The following PDE8A variants were observed in gnomAD, a reference collection of about 807,000 sequenced individuals.
PDE8A encodes the protein high affinity cAMP-specific and IBMX-insensitive 3',5'-cyclic phosphodiesterase 8A.
In PDE8A, 59 loss-of-function variants were observed where a neutral mutation model predicts 105.0. That is an observed-to-expected ratio of 0.56 (90% CI 0.46 to 0.70). PDE8A has a LOEUF of 0.70. PDE8A is among the 30% of genes least tolerant of loss of function. PDE8A has a pLI of 0.00. For synonymous variants in PDE8A, 355 were observed against 371.9 expected, an observed-to-expected ratio of 0.95 and a Z score of 0.52; for missense variants, 1,014 against 1,045.9, an observed-to-expected ratio of 0.97 and a Z score of 0.42.
chr15:85,118,295 C>T (rs1374655643), intron 17 of PDE8A, among the ~76,000 whole-genome samples: 3 of 152,144 alleles, frequency 2.0e-5, no homozygotes, highest in Admixed American at 6.6e-5. Flanking sequence ...ATTATCCAAC[C>T]GGATACCCAG....
intron 1 of PDE8A, among the ~76,000 whole-genome samples, chr15:85,030,343 C>T (rs1473426230): frequency 6.6e-6 from 1 of 151,938 alleles, no homozygotes; most frequent in Non-Finnish European, 1.5e-5. Flanking sequence ...GGTATGATCT[C>T]CTAGCCACAG....
intron 1 of PDE8A, among the ~76,000 whole-genome samples, chr15:85,016,376 T>G (rs1421900549): frequency 7.5e-6 from 1 of 132,816 alleles, no homozygotes; most frequent in Non-Finnish European, 1.8e-5. Flanking sequence ...AGGAATAAAT[T>G]CAGTTTAATC....
intron 1 of PDE8A, among the ~76,000 whole-genome samples, chr15:85,023,365 T>G (rs2080460601): frequency 6.6e-6 from 1 of 152,090 alleles, no homozygotes; most frequent in African/African-American, 2.4e-5. Flanking sequence ...TCAGCTCAGG[T>G]GGAGAAGCAT....
intron 1 of PDE8A, among the ~76,000 whole-genome samples, chr15:85,037,723 A>C (rs2080730830): frequency 6.6e-6 from 1 of 152,206 alleles, no homozygotes; most frequent in South Asian, 2.1e-4. Flanking sequence ...TCTTCTTATT[A>C]ATTATTACTG....
chr15:84,990,364 A>G (rs1406826731), intron 1 of PDE8A, among the ~76,000 whole-genome samples: 1 of 152,078 alleles, frequency 6.6e-6, no homozygotes, highest in Non-Finnish European at 1.5e-5. Flanking sequence ...ATCACCCCCA[A>G]AAGTTCTATT....
At chr15:85,035,209 T>C (rs1401614628) in intron 1 of PDE8A, among the ~76,000 whole-genome samples, 1 of 138,008 alleles carries the variant, frequency 7.2e-6, no homozygotes, top group Admixed American at 7.3e-5. Context: ...TTTTTTTTTT[T>C]TTTTTTTTTT....
chr15:85,058,184 G>T (rs1024809829), intron 1 of PDE8A, among the ~76,000 whole-genome samples: 1 of 152,116 alleles, frequency 6.6e-6, no homozygotes, highest in South Asian at 2.1e-4. Flanking sequence ...GGGCTCAAAT[G>T]ATCCTCTTCC....
chr15:85,008,692 C>T (rs886887911), intron 1 of PDE8A, among the ~76,000 whole-genome samples: 6 of 152,122 alleles, frequency 3.9e-5, no homozygotes, highest in East Asian at 1.9e-4. Context: ...CCCAAGGGTG[C>T]GAGCCTATCA....
At chr15:85,076,383 C>G (rs2081380932) in intron 4 of PDE8A, among the ~76,000 whole-genome samples, 1 of 150,278 alleles carries the variant, frequency 6.7e-6, no homozygotes, top group South Asian at 2.1e-4. Context: ...AAAGTTTTTT[C>G]CTGAGCTGTA....
chr15:85,039,248 A>C (rs887827312), intron 1 of PDE8A, among the ~76,000 whole-genome samples: 1 of 152,092 alleles, frequency 6.6e-6, no homozygotes, highest in Admixed American at 6.5e-5. Flanking sequence ...CAACCTAGTA[A>C]GACCTCATTT....
chr15:85,054,464 T>G (rs1403570075), intron 1 of PDE8A, among the ~76,000 whole-genome samples: 2 of 152,148 alleles, frequency 1.3e-5, no homozygotes, highest in Admixed American at 6.5e-5. Context: ...TTTTTTTGGT[T>G]GGTAGGCTAT....
intron 13 of PDE8A, 33 bp from the exon 14 acceptor site, chr15:85,113,840 A>G (rs778924457): frequency 6.4e-7 from 1 of 1,562,388 alleles, no homozygotes; most frequent in Non-Finnish European, 8.8e-7. Flanking sequence ...TTTTAAGGTT[A>G]TGAAACTCAA....
intron 20 of PDE8A, among the ~76,000 whole-genome samples, chr15:85,133,688 G>A (rs1378027411): frequency 1.3e-5 from 2 of 152,078 alleles, no homozygotes; most frequent in Non-Finnish European, 2.9e-5. Context: ...ATGTTACTCC[G>A]GTGCTCAGGC....
At chr15:85,074,443 T>G (rs985384781) in intron 3 of PDE8A, among the ~76,000 whole-genome samples, 3 of 152,262 alleles carry the variant, frequency 2.0e-5, no homozygotes, top group Admixed American at 6.5e-5. Flanking sequence ...GGCTCACGCC[T>G]GTAATCCCAG....
intron 1 of PDE8A, among the ~76,000 whole-genome samples, chr15:85,025,884 C>T (rs758182982): frequency 5.9e-5 from 9 of 152,290 alleles, no homozygotes; most frequent in Middle Eastern, 3.4e-3. Flanking sequence ...GAGTCTCACG[C>T]CTTTTTGATG....
intron 1 of PDE8A, among the ~76,000 whole-genome samples, chr15:84,991,445 C>G (rs1478078470): frequency 2.0e-5 from 3 of 152,186 alleles, no homozygotes; most frequent in African/African-American, 7.2e-5. Flanking sequence ...TTATACTCAT[C>G]AAATTGGCAG....
chr15:85,133,023 A>G (rs1425692877), intron 20 of PDE8A, among the ~76,000 whole-genome samples: 2 of 152,230 alleles, frequency 1.3e-5, no homozygotes, highest in Non-Finnish European at 2.9e-5. Flanking sequence ...TTTAAAAAAC[A>G]GCCACCTCTC....
chr15:84,992,973 T>C (rs965772342), intron 1 of PDE8A, among the ~76,000 whole-genome samples: 1 of 152,184 alleles, frequency 6.6e-6, no homozygotes, highest in Non-Finnish European at 1.5e-5. Context: ...GGTGACCACT[T>C]ACAGAAACAG....
At position 85,004,297 on chromosome 15, in the gene PDE8A, A is replaced by C. The variant is rs555368417; in HGVS notation, c.186+21949A>C. Among the ~76,000 whole-genome samples the C allele has an allele frequency of 1.6e-4, 24 of 152,290 alleles. No individual in the cohort carries two copies. The South Asian group carries it at 5.0e-3, about 32-fold the overall frequency. On this transcript the variant is annotated intron_variant, in intron 1 of 21. Transcript: ENST00000394553. ...CATTTATTGGTTCAGTAATAGATACATAACCCAGGCCCAAGCTGAGCAGGA... is the reference window on the plus strand; with the variant it reads ...CATTTATTGGTTCAGTAATAGATACCTAACCCAGGCCCAAGCTGAGCAGGA...
Sources: allele counts gnomAD v4.1 joint callset (sites outside exome capture counted in the v4.1 genomes callset), GRCh38; gene constraint gnomAD v4.1.1; transcripts MANE v1.5; gene names NCBI Gene and HGNC (gene_info 2026-07-23, HGNC 2026-07-21).